GLI3: variants seen among roughly 807,000 people sequenced by gnomAD.
GLI3 encodes the protein transcription activator GLI3.
GLI3 carries 20 observed loss-of-function variants against 100.8 expected under a neutral mutation model. The ratio of observed to expected loss-of-function variants is 0.20; its 90% confidence interval spans 0.14 to 0.29. GLI3 has a LOEUF of 0.29. Among genes scored for constraint, GLI3 ranks in the 10% least tolerant of loss-of-function variants. GLI3 has a pLI of 1.00. For missense variants in GLI3, 2,040 were observed against 2,128.5 expected (o/e 0.96, Z 0.82); for synonymous variants, 938 against 860.5 (o/e 1.09, Z -1.58).
At chr7:42,255,654 AT>A (rs1335009071) in intron 1 of GLI3, among the ~76,000 whole-genome samples, 8 of 152,274 alleles carry the variant, frequency 5.3e-5, no homozygotes, top group African/African-American at 1.4e-4. Flanking sequence ...ATTCGTCTTC[AT>A]TGCTGAAGAG....
chr7:42,120,975 A>C lies in GLI3; in HGVS notation c.367+27251T>G, dbSNP rs185321698. The stretch of plus-strand genomic sequence containing the variant: ...TCAGAAAGTTACAGCTTAATAAGAG[A>C]ATGACTTAAACAAACCACCACCAAA... On this transcript the variant is annotated intron_variant, in intron 3 of 14. Coordinates refer to ENST00000395925, the MANE Select transcript of GLI3 (RefSeq NM_000168.6). Among the ~76,000 whole-genome samples, 255 of 152,348 alleles carry C rather than the reference A, an allele frequency of 1.7e-3. 1 individual carries two copies. Among genetic ancestry groups the C allele is most frequent in the Middle Eastern group, 0.01 (3 of 294 alleles).
chr7:42,200,550 GT>G (rs1788017554), intron 2 of GLI3, among the ~76,000 whole-genome samples: 1 of 152,212 alleles, frequency 6.6e-6, no homozygotes, highest in Admixed American at 6.5e-5. Context: ...GTCAGGCAGT[GT>G]TGAAGTGATG....
At chr7:42,236,673 G>A (rs1211877970) in intron 1 of GLI3, among the ~76,000 whole-genome samples, 2 of 152,222 alleles carry the variant, frequency 1.3e-5, no homozygotes, top group African/African-American at 2.4e-5. Context: ...GGAGGCGAGG[G>A]GCGCCGCCAC....
chr7:42,217,947 T>TGTGAAGTAG (rs1163534178), intron 2 of GLI3, among the ~76,000 whole-genome samples: 12 of 152,194 alleles, frequency 7.9e-5, no homozygotes, highest in Non-Finnish European at 1.5e-4. Context: ...GCCTGTGAAG[T>TGTGAAGTAG]GTGAAGTAGG....
chr7:42,261,925 C>A, intron 1 of GLI3, among the ~76,000 whole-genome samples: 1 of 46,076 alleles, frequency 2.2e-5, no homozygotes, highest in Non-Finnish European at 4.7e-5. Context: ...TTCCTTCTTC[C>A]TTTTCTTTCT....
At chr7:42,008,606 A>C (rs2128724573) in intron 10 of GLI3, among the ~76,000 whole-genome samples, 1 of 152,130 alleles carries the variant, frequency 6.6e-6, no homozygotes, top group Admixed American at 6.5e-5. Context: ...ACACCTTCTT[A>C]TCTGGTTCTG....
In GLI3 at chr7:41,961,095, G is replaced by A. The variant is rs917998016; in HGVS notation, c.*3235C>T. ...GGCTTGAGGTGGGCGTGATCACGGG[G>A]AATGCAGGCTTGTCCGAGGAACGCC... is the stretch of plus-strand genomic sequence containing the variant. On this transcript the variant is annotated 3_prime_UTR_variant, in exon 15 of 15. Coordinates refer to ENST00000395925, the MANE Select transcript of GLI3 (RefSeq NM_000168.6). The A allele has an allele frequency of 2.0e-5, 3 of 152,602 alleles. No homozygotes were observed. Among genetic ancestry groups the A allele is most frequent in the African/African-American group, 7.2e-5 (3 of 41,438 alleles). The allele number at this position is 152,602 out of a possible 1,614,324, so 9.5% of individuals were successfully genotyped here.
intron 3 of GLI3, among the ~76,000 whole-genome samples, chr7:42,087,037 G>A (rs1470315961): frequency 6.6e-6 from 1 of 152,146 alleles, no homozygotes; most frequent in Non-Finnish European, 1.5e-5. Context: ...GGTCTGGGGT[G>A]TGAGGGCAGA....
At chr7:42,135,618 C>G (rs1350462651) in intron 3 of GLI3, among the ~76,000 whole-genome samples, 1 of 152,192 alleles carries the variant, frequency 6.6e-6, no homozygotes, top group Non-Finnish European at 1.5e-5. Context: ...TCAGTCTTGG[C>G]CTTCCTTAGC....
intron 3 of GLI3, among the ~76,000 whole-genome samples, chr7:42,125,111 C>T (rs1583578640): frequency 1.3e-5 from 2 of 152,096 alleles, no homozygotes; most frequent in African/African-American, 4.8e-5. Flanking sequence ...CGGTATTGCT[C>T]GCACAATAGC....
chr7:42,087,199 A>C lies in GLI3; in HGVS notation c.368-10342T>G, dbSNP rs187512791. 3.4e-4 allele frequency among the ~76,000 whole-genome samples: 52 copies of C among 152,308 alleles called. 1 individual carries two copies. The East Asian group carries it at 9.7e-3, about 28-fold the overall frequency. ...AGCCATCCCTCCTGGAAACTGCAGGACACTTCCATCTACCTAAGGGGCCTC... is the reference window on the plus strand; with the variant it reads ...AGCCATCCCTCCTGGAAACTGCAGGCCACTTCCATCTACCTAAGGGGCCTC... On this transcript the variant is annotated intron_variant, in intron 3 of 14. Transcript: ENST00000395925.
intron 2 of GLI3, among the ~76,000 whole-genome samples, chr7:42,216,372 G>A (rs1184568800): frequency 6.6e-6 from 1 of 152,140 alleles, no homozygotes; most frequent in Non-Finnish European, 1.5e-5. Flanking sequence ...GGAGCATGAG[G>A]GATCTTTAGA....
chr7:42,148,248 A>C lies in GLI3; in HGVS notation c.345T>G (p.Asn115Lys). ...TACGGTAGTGGGGCTCCATGTAACC[A>C]TTCCTGGGGTCCATGGCAAACACCG... ...RGTVFAMDPR[N>K]GYMEPHYHPP... Residue 115 changes from asparagine (N) to lysine (K), a missense_variant, in exon 3 of 15, where the codon AAT (asparagine) becomes AAG (lysine). This residue lies in a region of GLI3 where 603 missense variants were observed against 690.9 expected (regional missense o/e 0.87). Transcript: ENST00000395925. 9 of 1,611,918 alleles carry C rather than the reference A, an allele frequency of 5.6e-6. No homozygotes were observed. The highest frequency in any genetic ancestry group is 7.6e-6 in the Non-Finnish European group (9 of 1,179,032).
chr7:42,052,667 T>C (rs1476706685), intron 4 of GLI3, among the ~76,000 whole-genome samples: 1 of 152,180 alleles, frequency 6.6e-6, no homozygotes, highest in East Asian at 1.9e-4. Context: ...TCTTTTCTTC[T>C]GATTCTAAAC....
intron 2 of GLI3, among the ~76,000 whole-genome samples, chr7:42,176,878 C>T (rs1787491032): frequency 6.6e-6 from 1 of 152,174 alleles, no homozygotes; most frequent in South Asian, 2.1e-4. Flanking sequence ...TCCCCTCAGG[C>T]ACTTTTTAAA....
At chr7:42,025,713 G>A (rs1053773882) in intron 8 of GLI3, among the ~76,000 whole-genome samples, 5 of 152,178 alleles carry the variant, frequency 3.3e-5, no homozygotes, top group African/African-American at 9.7e-5. Flanking sequence ...AGACCAACAC[G>A]TTCCATTTGT....
intron 1 of GLI3, among the ~76,000 whole-genome samples, chr7:42,246,767 T>C (rs1050485999): frequency 6.6e-6 from 1 of 151,088 alleles, no homozygotes; most frequent in Non-Finnish European, 1.5e-5. Flanking sequence ...GGTAAATGTT[T>C]AGTCCTTGGG....
At chr7:42,111,372 A>AGAGTATGTGTCTGAC (rs1785702654) in intron 3 of GLI3, among the ~76,000 whole-genome samples, 4 of 152,210 alleles carry the variant, frequency 2.6e-5, no homozygotes, top group Middle Eastern at 3.2e-3. Context: ...TCAAGGGGTC[A>AGAGTATGTGTCTGAC]GATCAAGGGG....
In GLI3 at chr7:41,964,194, A is replaced by T. The variant is rs78794712; in HGVS notation, c.*136T>A. 28,711 of 694,166 alleles carry T rather than the reference A, an allele frequency of 0.041. 723 individuals carry two copies. The highest frequency in any genetic ancestry group is 0.052 in the Non-Finnish European group (20,879 of 403,190). 43.0% of individuals were successfully genotyped at this position (694,166 alleles called of 1,614,324 possible). A position where few individuals can be genotyped will look rare whatever the true frequency, so the allele number is the denominator to read the frequency against. ...AGTCCTTTTCCATAAAAGGAATATA[A>T]TTGAAACACATCTCAGTTAGGTGAG... On this transcript the variant is annotated 3_prime_UTR_variant, in exon 15 of 15. Transcript: ENST00000395925.
Sources: allele counts gnomAD v4.1 joint callset (sites outside exome capture counted in the v4.1 genomes callset), GRCh38; gene constraint gnomAD v4.1.1; regional missense constraint gnomAD v4.1.1; transcripts MANE v1.5; gene names NCBI Gene and HGNC (gene_info 2026-07-23, HGNC 2026-07-21).